ATF2: variants seen among roughly 807,000 people sequenced by gnomAD.
ATF2 encodes cyclic AMP-dependent transcription factor ATF-2.
ATF2 carries 24 observed loss-of-function variants against 60.6 expected under a neutral mutation model. That is an observed-to-expected ratio of 0.40 (90% CI 0.29 to 0.56). The LOEUF is 0.56. Among genes scored for constraint, ATF2 ranks in the 20% least tolerant of loss-of-function variants. The probability of loss-of-function intolerance (pLI) is 0.54; values close to 1 mark genes in which losing one functional copy is unlikely to be tolerated. For synonymous variants in ATF2, 206 were observed against 215.4 expected (o/e 0.96, Z 0.38); for missense variants, 433 against 607.7 (o/e 0.71, Z 3.02).
chr2:175,164,630 C>A (rs1395151866), intron 1 of ATF2, among the ~76,000 whole-genome samples: 1 of 152,152 alleles, frequency 6.6e-6, no homozygotes, highest in Non-Finnish European at 1.5e-5. Context: ...TACTATATAA[C>A]CTTTTAACCT....
chr2:175,138,230 T>C (rs1394821811), intron 2 of ATF2, among the ~76,000 whole-genome samples: 6 of 152,210 alleles, frequency 3.9e-5, no homozygotes, highest in Admixed American at 3.9e-4. Context: ...CTAACATTTC[T>C]TTATCTTCCT....
intron 2 of ATF2, among the ~76,000 whole-genome samples, chr2:175,144,143 G>C (rs1162762442): frequency 1.3e-5 from 2 of 152,072 alleles, no homozygotes; most frequent in African/African-American, 4.8e-5. Flanking sequence ...TCTCTCACTT[G>C]AATATAGAAT....
chr2:175,152,113 G>T (rs1574491114), intron 1 of ATF2, among the ~76,000 whole-genome samples: 1 of 152,082 alleles, frequency 6.6e-6, no homozygotes, highest in African/African-American at 2.4e-5. Context: ...AGGAATATTG[G>T]CAGACAATTA....
chr2:175,156,237 G>T (rs548459167), intron 1 of ATF2, among the ~76,000 whole-genome samples: 5 of 152,022 alleles, frequency 3.3e-5, no homozygotes, highest in African/African-American at 9.6e-5. Context: ...CAGGCGTGGT[G>T]GCGGGTGCCT....
At chr2:175,125,477 G>T (rs1697267162) in intron 4 of ATF2, among the ~76,000 whole-genome samples, 1 of 152,008 alleles carries the variant, frequency 6.6e-6, no homozygotes, top group East Asian at 1.9e-4. Context: ...CTATTAGTGA[G>T]AATTCAATTA....
At chr2:175,109,769 T>C in intron 10 of ATF2, among the ~76,000 whole-genome samples, 1 of 152,152 alleles carries the variant, frequency 6.6e-6, no homozygotes. Context: ...TATACTAAAA[T>C]AGGAAGTGCA....
intron 1 of ATF2, among the ~76,000 whole-genome samples, chr2:175,160,524 C>T (rs1699953622): frequency 6.6e-6 from 1 of 152,204 alleles, no homozygotes. Context: ...CTCGACCCAA[C>T]ATCCATATAT....
Position 175,152,856 on chromosome 2 carries a change from C to A in ATF2, c.-142-1698G>T, listed in dbSNP as rs114224856. ...AAAAATGGAGCAGCAATTCAAAGGA[C>A]AAATGGCTCTGTGGGATAATGTAAA... On this transcript the variant is annotated intron_variant, in intron 1 of 13. Coordinates refer to ENST00000264110, the MANE Select transcript of ATF2 (RefSeq NM_001880.4). 5.1e-3 allele frequency among the ~76,000 whole-genome samples: 779 copies of A among 152,262 alleles called. 5 individuals carry two copies. The highest frequency in any genetic ancestry group is 0.017 in the African/African-American group (715 of 41,546).
At chr2:175,094,163 C>T (rs570505110) in intron 11 of ATF2, among the ~76,000 whole-genome samples, 4 of 152,116 alleles carry the variant, frequency 2.6e-5, no homozygotes, top group Admixed American at 6.5e-5. Context: ...GAGGCCAAGG[C>T]GGGTGGATCA....
chr2:175,086,804 T>C (rs1694201683), intron 12 of ATF2, among the ~76,000 whole-genome samples: 1 of 152,180 alleles, frequency 6.6e-6, no homozygotes, highest in Non-Finnish European at 1.5e-5. Context: ...AAAATAAAGA[T>C]AGGCATGATT....
chr2:175,078,621 T>G (rs1056910011), intron 13 of ATF2, among the ~76,000 whole-genome samples: 16 of 152,290 alleles, frequency 1.1e-4, no homozygotes, highest in Middle Eastern at 3.4e-3. Flanking sequence ...CCACCTTTAC[T>G]TGAAAGATTT....
intron 1 of ATF2, among the ~76,000 whole-genome samples, chr2:175,165,770 A>C (rs1347106903): frequency 2.6e-5 from 4 of 152,154 alleles, no homozygotes; most frequent in Non-Finnish European, 5.9e-5. Flanking sequence ...CCCAGGTTCA[A>C]CAGATTCTCC....
At chr2:175,140,622 T>C (rs1181695238) in intron 2 of ATF2, among the ~76,000 whole-genome samples, 3 of 152,074 alleles carry the variant, frequency 2.0e-5, no homozygotes, top group Non-Finnish European at 2.9e-5. Context: ...ACTTTGAATA[T>C]GTATAATTTA....
chr2:175,099,264 C>T (rs1043606975), intron 10 of ATF2, among the ~76,000 whole-genome samples: 4 of 151,968 alleles, frequency 2.6e-5, no homozygotes, highest in East Asian at 1.9e-4. Flanking sequence ...CCACCACGAC[C>T]GGCTCATTTT....
At chr2:175,087,019 AAAATAAATATCAAGGGGAT>A (rs2105565283) in intron 12 of ATF2, among the ~76,000 whole-genome samples, 1 of 152,274 alleles carries the variant, frequency 6.6e-6, no homozygotes, top group Admixed American at 6.5e-5. Context: ...TGCTTAAGCC[AAAATAAATATCAAGGGGAT>A]GTTCAGCCAC....
chr2:175,114,571 A>G (rs1377721116), intron 8 of ATF2, 119 bp downstream of exon 8: 3 of 1,435,782 alleles, frequency 2.1e-6, no homozygotes, highest in Admixed American at 2.5e-5. Context: ...CAAAATTCGA[A>G]GCATGCACAC....
chr2:175,132,786 A>G (rs1021998358), intron 3 of ATF2: 15 of 152,198 alleles, frequency 9.9e-5, no homozygotes, highest in African/African-American at 2.7e-4. Flanking sequence ...CAAAATTATT[A>G]TATCAGTTTT....
At chr2:175,121,850 A>G (rs1442752889) in intron 4 of ATF2, among the ~76,000 whole-genome samples, 2 of 151,774 alleles carry the variant, frequency 1.3e-5, no homozygotes, top group Non-Finnish European at 3.0e-5. Context: ...CTAAAAATAG[A>G]CCACCATTAA....
At chr2:175,158,683 A>G (rs1699834491) in intron 1 of ATF2, among the ~76,000 whole-genome samples, 1 of 152,078 alleles carries the variant, frequency 6.6e-6, no homozygotes, top group Non-Finnish European at 1.5e-5. Context: ...TCCATTAATC[A>G]AGGCAATGAT....
Sources: allele counts gnomAD v4.1 joint callset (sites outside exome capture counted in the v4.1 genomes callset), GRCh38; gene constraint gnomAD v4.1.1; transcripts MANE v1.5; gene names NCBI Gene and HGNC (gene_info 2026-07-23, HGNC 2026-07-21).